The following GNA14 variants were observed in gnomAD, a reference collection of about 807,000 sequenced individuals.
GNA14 encodes the protein guanine nucleotide-binding protein subunit alpha-14.
A neutral mutation model predicts 42.0 loss-of-function variants in GNA14; 50 were observed. The ratio of observed to expected loss-of-function variants is 1.19; its 90% CI spans 0.95 to 1.51. The LOEUF (loss-of-function observed/expected upper bound fraction) is 1.51, where lower values mean the gene tolerates loss of function less well. GNA14 is among the 40% of genes most tolerant of loss of function. The pLI is 0.00. For missense variants in GNA14, 473 were observed against 446.2 expected (o/e 1.06, Z -0.54); for synonymous variants, 173 against 163.1 (o/e 1.06, Z -0.46).
At chr9:77,619,373 G>A (rs1044184422) in intron 1 of GNA14, among the ~76,000 whole-genome samples, 3 of 152,022 alleles carry the variant, frequency 2.0e-5, no homozygotes, top group Admixed American at 6.6e-5. Flanking sequence ...AGCTAATTTT[G>A]TATTTTTAGT....
chr9:77,639,089 T>G (rs901141411), intron 1 of GNA14, among the ~76,000 whole-genome samples: 5 of 152,242 alleles, frequency 3.3e-5, no homozygotes, highest in Non-Finnish European at 5.9e-5. Context: ...CCAATCCATT[T>G]AGGAAAAGTT....
chr9:77,577,485 T>C lies in GNA14; in HGVS notation c.125-48232A>G, dbSNP rs541558322. Reference sequence around the variant, plus strand: ...AAGTCTTAGTGGATTCAGGTCAAGATGCTTTCAAAAACAAACACATCTGAT... The same window carrying C: ...AAGTCTTAGTGGATTCAGGTCAAGACGCTTTCAAAAACAAACACATCTGAT... On this transcript the variant is annotated intron_variant, in intron 1 of 6. Coordinates refer to ENST00000341700, the MANE Select transcript of GNA14 (RefSeq NM_004297.4). Among the ~76,000 whole-genome samples the C allele has an allele frequency of 1.7e-4, 26 of 152,288 alleles. No homozygotes were observed. The East Asian group carries it at 4.2e-3, about 25-fold the overall frequency.
At chr9:77,548,232 T>C (rs1837744445) in intron 1 of GNA14, among the ~76,000 whole-genome samples, 1 of 152,212 alleles carries the variant, frequency 6.6e-6, no homozygotes, top group Non-Finnish European at 1.5e-5. Context: ...GTTCTTTGCT[T>C]GTGGCAGTGT....
At chr9:77,528,180 T>C (rs900041958) in intron 2 of GNA14, among the ~76,000 whole-genome samples, 3 of 152,180 alleles carry the variant, frequency 2.0e-5, no homozygotes, top group Non-Finnish European at 4.4e-5. Flanking sequence ...AAGTTCATAA[T>C]AAAGTTGTCC....
In GNA14 at chr9:77,512,854, G is replaced by A. The variant is rs372592700; in HGVS notation, c.309+16215C>T. On this transcript the variant is annotated intron_variant, in intron 2 of 6. Coordinates refer to ENST00000341700, the MANE Select transcript of GNA14 (RefSeq NM_004297.4). ...ATTTGATTTTTACTGGCACTGGTTC[G>A]AAGGTCACTGTCATGCTTTGTTTCA... Among the ~76,000 whole-genome samples the A allele has an allele frequency of 7.6e-4, 116 of 152,288 alleles. 2 individuals carry two copies. The South Asian group carries it at 0.014, about 18-fold the overall frequency.
intron 2 of GNA14, among the ~76,000 whole-genome samples, chr9:77,514,149 T>G (rs544818212): frequency 6.6e-6 from 1 of 152,170 alleles, no homozygotes; most frequent in Non-Finnish European, 1.5e-5. Context: ...TTGGTTATCT[T>G]GCAACTCAGA....
intron 2 of GNA14, among the ~76,000 whole-genome samples, chr9:77,521,925 C>T (rs1339643550): frequency 2.0e-5 from 3 of 152,114 alleles, no homozygotes; most frequent in Admixed American, 6.5e-5. Context: ...CTCTGTCTCC[C>T]AGATTCAAGC....
At chr9:77,520,248 C>T (rs1837333841) in intron 2 of GNA14, among the ~76,000 whole-genome samples, 1 of 152,106 alleles carries the variant, frequency 6.6e-6, no homozygotes, top group South Asian at 2.1e-4. Context: ...GGCAGGACTC[C>T]AAAACAACCC....
chr9:77,486,520 G>T (rs146142132), intron 2 of GNA14, among the ~76,000 whole-genome samples: 114 of 152,260 alleles, frequency 7.5e-4, no homozygotes, highest in African/African-American at 2.5e-3. Flanking sequence ...TTACAACTTG[G>T]CTATTTGGTG....
In GNA14 at chr9:77,599,597, C is replaced by T. The variant is rs142295326; in HGVS notation, c.124+48073G>A. Among the ~76,000 whole-genome samples, 1,072 of 152,316 alleles carry T rather than the reference C, an allele frequency of 7.0e-3. 7 individuals are homozygous for T. Among genetic ancestry groups the T allele is most frequent in the African/African-American group, 0.024 (985 of 41,564 alleles). On this transcript the variant is annotated intron_variant, in intron 1 of 6. Transcript: ENST00000341700. ...TACAGAAAACAGGGCTGAGTAGAGG[C>T]AAATGCCAGTTTTGTAATTTAGGAT...
chr9:77,449,149 A>C (rs1835867982), intron 2 of GNA14, among the ~76,000 whole-genome samples: 1 of 152,248 alleles, frequency 6.6e-6, no homozygotes, highest in African/African-American at 2.4e-5. Flanking sequence ...TCAGTACAGC[A>C]ACATGTGGCA....
At chr9:77,550,633 A>C (rs1301287913) in intron 1 of GNA14, among the ~76,000 whole-genome samples, 1 of 152,222 alleles carries the variant, frequency 6.6e-6, no homozygotes, top group East Asian at 1.9e-4. Flanking sequence ...TCAATTCAAC[A>C]ATACTAATTA....
chr9:77,520,061 A>G (rs1427276035), intron 2 of GNA14, among the ~76,000 whole-genome samples: 1 of 152,208 alleles, frequency 6.6e-6, no homozygotes, highest in Non-Finnish European at 1.5e-5. Flanking sequence ...TATGCAACAT[A>G]GCCATGCAAT....
At chr9:77,431,148 T>C (rs1185380800) in intron 4 of GNA14, among the ~76,000 whole-genome samples, 173 bp downstream of exon 4, 2 of 151,988 alleles carry the variant, frequency 1.3e-5, no homozygotes, top group Non-Finnish European at 2.9e-5. Flanking sequence ...GGTGACTTCC[T>C]CTCCATTCCA....
At chr9:77,431,243 A>G (rs776360171) in intron 4 of GNA14, 78 bp downstream of exon 4, 69 of 1,326,248 alleles carry the variant, frequency 5.2e-5, no homozygotes, top group Non-Finnish European at 6.9e-5. Context: ...CTGCTTAGGA[A>G]TAACACGTTT....
chr9:77,555,182 A>C (rs151327076), intron 1 of GNA14, among the ~76,000 whole-genome samples: 46 of 152,322 alleles, frequency 3.0e-4, no homozygotes, highest in African/African-American at 1.1e-3. Context: ...TAGGGAGTAA[A>C]GTCTAACACT....
intron 2 of GNA14, among the ~76,000 whole-genome samples, chr9:77,504,152 G>T (rs903556815): frequency 6.6e-6 from 1 of 152,144 alleles, no homozygotes; most frequent in Admixed American, 6.5e-5. Context: ...TCAGCAGTGA[G>T]AATTTAAATA....
At chr9:77,605,907 C>T (rs1823638694) in intron 1 of GNA14, among the ~76,000 whole-genome samples, 1 of 152,138 alleles carries the variant, frequency 6.6e-6, no homozygotes, top group African/African-American at 2.4e-5. Context: ...CATTATTTTT[C>T]CACTCCAAAA....
At chr9:77,584,980 T>A (rs541065938) in intron 1 of GNA14, among the ~76,000 whole-genome samples, 1 of 152,158 alleles carries the variant, frequency 6.6e-6, no homozygotes, top group Non-Finnish European at 1.5e-5. Context: ...CCGGCTTCTT[T>A]ACTGCAACTT....
Sources: allele counts gnomAD v4.1 joint callset (sites outside exome capture counted in the v4.1 genomes callset), GRCh38; gene constraint gnomAD v4.1.1; transcripts MANE v1.5; gene names NCBI Gene and HGNC (gene_info 2026-07-23, HGNC 2026-07-21).